The following DNAH11 variants were observed in gnomAD, a reference collection of about 807,000 sequenced individuals.
DNAH11 encodes the protein axonemal beta dynein heavy chain 11.
In DNAH11, 442 loss-of-function variants were observed where a neutral mutation model predicts 526.0. The ratio of observed to expected loss-of-function variants is 0.84; its 90% CI spans 0.78 to 0.91. The LOEUF (loss-of-function observed/expected upper bound fraction) is 0.91, where lower values mean the gene tolerates loss of function less well. Among genes scored for constraint, DNAH11 ranks in the 40% least tolerant of loss-of-function variants. The pLI, the probability that DNAH11 is intolerant of heterozygous loss-of-function variation, is 0.00. For synonymous variants in DNAH11, 2,461 were observed against 1,935.9 expected (o/e 1.27, Z -7.12); for missense variants, 6,989 against 5,448.7 (o/e 1.28, Z -8.90).
chr7:21,633,980 C>G (rs948076088), intron 25 of DNAH11, among the ~76,000 whole-genome samples: 3 of 152,176 alleles, frequency 2.0e-5, no homozygotes, highest in African/African-American at 7.2e-5. Context: ...TAGGCCTGGA[C>G]AGATAGTCTG....
At chr7:21,833,471 T>C (rs1452882131) in intron 65 of DNAH11, among the ~76,000 whole-genome samples, 1 of 152,062 alleles carries the variant, frequency 6.6e-6, no homozygotes, top group Non-Finnish European at 1.5e-5. Flanking sequence ...AGTGGATGGA[T>C]CACCTGAGGT....
chr7:21,592,118 C>A (rs1395804129), intron 14 of DNAH11, among the ~76,000 whole-genome samples: 1 of 152,138 alleles, frequency 6.6e-6, no homozygotes, highest in African/African-American at 2.4e-5. Context: ...GCAAACAACA[C>A]AATGCTCCCC....
At chr7:21,849,892 C>G (rs1782556767) in intron 66 of DNAH11, among the ~76,000 whole-genome samples, 2 of 151,714 alleles carry the variant, frequency 1.3e-5, no homozygotes, top group Non-Finnish European at 2.9e-5. Context: ...ACCATTATTT[C>G]CAATCTTTCT....
intron 30 of DNAH11, among the ~76,000 whole-genome samples, chr7:21,678,158 T>A (rs1782979150): frequency 6.6e-6 from 1 of 151,846 alleles, no homozygotes; most frequent in Admixed American, 6.6e-5. Flanking sequence ...ACCAAAGTCA[T>A]GAAGCTTTTC....
chr7:21,687,522 G>T lies in DNAH11; in HGVS notation c.5919G>T (p.Lys1973Asn), dbSNP rs1327756504. The T allele has an allele frequency of 6.2e-7, 1 of 1,613,060 alleles. No homozygotes were observed. Among genetic ancestry groups the T allele is most frequent in the African/African-American group, 1.3e-5 (1 of 74,928 alleles). The change falls in exon 34 of 82, where the codon AAG becomes AAT. Residue 1973 changes from lysine (K) to asparagine (N), a missense_variant. By Grantham distance (94) the Lys-to-Asn change is moderately conservative (BLOSUM62 0). Coordinates refer to ENST00000409508, the MANE Select transcript of DNAH11 (RefSeq NM_001277115.2). ...KMIHDAIRNR[K>N]KRFVFLGEAI... Reference sequence around the variant, plus strand: ...TTCATGATGCCATCAGAAACAGGAAGAAGAGGTGAGTGGCATGCAGGCTAT... The same window carrying T: ...TTCATGATGCCATCAGAAACAGGAATAAGAGGTGAGTGGCATGCAGGCTAT...
At chr7:21,586,812 CATATT>C (rs1487412781) in intron 9 of DNAH11, among the ~76,000 whole-genome samples, 11 of 152,138 alleles carry the variant, frequency 7.2e-5, no homozygotes, top group Admixed American at 1.3e-4. Context: ...TAATAACTAA[CATATT>C]ATAAAGCCCA....
At chr7:21,890,933 A>T (rs1583816874) in intron 76 of DNAH11, among the ~76,000 whole-genome samples, 1 of 152,176 alleles carries the variant, frequency 6.6e-6, no homozygotes, top group African/African-American at 2.4e-5. Context: ...AAATAAAAAT[A>T]AAAATGCTGT....
intron 47 of DNAH11, 96 bp downstream of exon 47, chr7:21,738,962 T>C (rs1445552949): frequency 8.9e-7 from 1 of 1,126,884 alleles, no homozygotes; most frequent in Non-Finnish European, 1.2e-6. Flanking sequence ...ATAATTATTA[T>C]GGATGAATTA....
At chr7:21,758,243 G>T (rs773359728) in intron 54 of DNAH11, among the ~76,000 whole-genome samples, 1 of 152,146 alleles carries the variant, frequency 6.6e-6, no homozygotes, top group African/African-American at 2.4e-5. Context: ...GTTATTATTT[G>T]ACATAAGTAG....
At chr7:21,616,100 T>C (rs1335380754) in intron 21 of DNAH11, 109 bp from the exon 22 acceptor site, 2 of 806,686 alleles carry the variant, frequency 2.5e-6, no homozygotes. Context: ...AAAAATTGAC[T>C]TTCCACTGGA....
In DNAH11 at chr7:21,867,886, G is replaced by A. The variant is rs755196801; in HGVS notation, c.11718G>A (p.Ala3906=). The part of the protein sequence containing the change: ...LRNFVEEKLG[A]KYVERTRLDL... ...ATTTTGTAGAGGAAAAACTGGGTGCGAAGTATGTGGAGAGGACCAGATTGG... is the reference window on the plus strand; with the variant it reads ...ATTTTGTAGAGGAAAAACTGGGTGCAAAGTATGTGGAGAGGACCAGATTGG... The change falls in exon 72 of 82, where the codon GCG becomes GCA. Residue 3906 remains alanine, a synonymous_variant. Transcript: ENST00000409508. 4.2e-5 allele frequency: 66 copies of A among 1,578,296 alleles called. No individual in the cohort carries two copies. The East Asian group carries it at 6.7e-4, about 16-fold the overall frequency.
intron 30 of DNAH11, among the ~76,000 whole-genome samples, chr7:21,659,752 T>C (rs2128466182): frequency 6.6e-6 from 1 of 152,256 alleles, no homozygotes; most frequent in Non-Finnish European, 1.5e-5. Flanking sequence ...GGTACTGAGT[T>C]AGAATGCTTC....
At chr7:21,730,614 T>A (rs1338433989) in intron 45 of DNAH11, among the ~76,000 whole-genome samples, 3 of 152,250 alleles carry the variant, frequency 2.0e-5, no homozygotes, top group African/African-American at 7.2e-5. Context: ...TACTGCATGA[T>A]TTCACTGACT....
chr7:21,657,858 A>C (rs1782083333), intron 29 of DNAH11, among the ~76,000 whole-genome samples: 1 of 152,150 alleles, frequency 6.6e-6, no homozygotes, highest in Non-Finnish European at 1.5e-5. Context: ...TTGTCCACTC[A>C]TTAACCACTT....
At chr7:21,569,425 T>A (rs1184334359) in intron 6 of DNAH11, among the ~76,000 whole-genome samples, 2 of 152,194 alleles carry the variant, frequency 1.3e-5, no homozygotes, top group African/African-American at 2.4e-5. Context: ...GGAGTGTCGG[T>A]TGATCCCATG....
chr7:21,730,857 C>T (rs1417670602), intron 45 of DNAH11, among the ~76,000 whole-genome samples: 1 of 151,972 alleles, frequency 6.6e-6, no homozygotes, highest in Non-Finnish European at 1.5e-5. Context: ...AAAATAAGCA[C>T]ATGGGGCTGG....
At chr7:21,592,276 C>T (rs988553016) in intron 14 of DNAH11, among the ~76,000 whole-genome samples, 3 of 152,030 alleles carry the variant, frequency 2.0e-5, no homozygotes, top group East Asian at 1.9e-4. Flanking sequence ...GAGTCGCTTG[C>T]GGGTAGGGTG....
At chr7:21,782,330 G>C (rs1259374480) in intron 57 of DNAH11, among the ~76,000 whole-genome samples, 1 of 152,178 alleles carries the variant, frequency 6.6e-6, no homozygotes, top group Non-Finnish European at 1.5e-5. Context: ...TTTATAGGTT[G>C]AGCCTTGCTG....
intron 79 of DNAH11, among the ~76,000 whole-genome samples, chr7:21,896,262 T>C (rs1784511975): frequency 6.6e-6 from 1 of 152,220 alleles, no homozygotes; most frequent in African/African-American, 2.4e-5. Flanking sequence ...GAGTATAAAA[T>C]ATAGAGCAGG....
Sources: gnomAD v4.1 joint callset for allele counts (sites outside exome capture counted in the v4.1 genomes callset) on GRCh38, gnomAD v4.1.1 for gene constraint, MANE v1.5 for transcripts, NCBI Gene and HGNC (gene_info 2026-07-23, HGNC 2026-07-21) for gene names.